TOM1: variants seen among roughly 807,000 people sequenced by gnomAD.
TOM1 encodes the protein target of Myb protein 1.
TOM1 carries 38 observed loss-of-function variants against 61.3 expected under a neutral mutation model. That is an observed-to-expected ratio of 0.62 (90% CI 0.48 to 0.81). TOM1 has a LOEUF of 0.81. Among genes scored for constraint, TOM1 ranks in the 40% least tolerant of loss-of-function variants. The pLI, the probability that TOM1 is intolerant of heterozygous loss-of-function variation, is 0.00. For synonymous variants in TOM1, 270 were observed against 268.8 expected (o/e 1.00, Z -0.04); for missense variants, 591 against 659.6 (o/e 0.90, Z 1.14).
intron 2 of TOM1, among the ~76,000 whole-genome samples, chr22:35,320,837 C>G (rs1927705879): frequency 6.6e-6 from 1 of 151,966 alleles, no homozygotes; most frequent in Non-Finnish European, 1.5e-5. Context: ...GTTGAATGGG[C>G]CAGACATGGT....
intron 1 of TOM1, among the ~76,000 whole-genome samples, chr22:35,301,921 A>C (rs1441742667): frequency 6.6e-6 from 1 of 152,190 alleles, no homozygotes; most frequent in East Asian, 1.9e-4. Context: ...CTTTTATCAC[A>C]TGCCAAGTTT....
chr22:35,341,809 A>G (rs548090865), intron 12 of TOM1, among the ~76,000 whole-genome samples: 11 of 152,336 alleles, frequency 7.2e-5, no homozygotes, highest in Non-Finnish European at 1.5e-4. Context: ...TAAACCGGTT[A>G]TCACTGATTT....
rs1360970811 is a variant in TOM1, at chr22:35,300,031, T to C, written c.52+51T>C. The C allele has an allele frequency of 3.2e-6, 5 of 1,547,182 alleles. No homozygotes were observed. The South Asian group carries it at 3.6e-5, about 11-fold the overall frequency. On this transcript the variant is annotated intron_variant, in intron 1 of 14. Coordinates refer to ENST00000449058, the MANE Select transcript of TOM1 (RefSeq NM_005488.3). Reference sequence around the variant, plus strand: ...TCCGCCCCGGTGCTCCGCACCCAGCTTCGGTCCCCTGGGAAGCCTCCGGGT... The same window carrying C: ...TCCGCCCCGGTGCTCCGCACCCAGCCTCGGTCCCCTGGGAAGCCTCCGGGT...
intron 1 of TOM1, 70 bp downstream of exon 1, chr22:35,300,050 T>G: frequency 4.6e-6 from 7 of 1,523,012 alleles, no homozygotes; most frequent in Non-Finnish European, 6.2e-6. Context: ...CTGGGAAGCC[T>G]CCGGGTGCCT....
At chr22:35,334,262 A>T in intron 10 of TOM1, 66 bp from the exon 11 acceptor site, 1 of 1,557,596 alleles carries the variant, frequency 6.4e-7, no homozygotes, top group Non-Finnish European at 8.7e-7. Flanking sequence ...GGCAGCAGGT[A>T]GCTCAGCAGC....
intron 1 of TOM1, among the ~76,000 whole-genome samples, chr22:35,308,892 T>C (rs1926576856): frequency 6.6e-6 from 1 of 152,162 alleles, no homozygotes; most frequent in Admixed American, 6.5e-5. Context: ...TTGTGGTTTA[T>C]GGTTAAAAAA....
intron 1 of TOM1, among the ~76,000 whole-genome samples, chr22:35,313,935 C>T (rs562349672): frequency 3.3e-5 from 5 of 152,212 alleles, no homozygotes; most frequent in Non-Finnish European, 7.3e-5. Context: ...GCTCCGAGGT[C>T]GGGGAATCAG....
intron 6 of TOM1, 120 bp downstream of exon 6, chr22:35,324,034 C>A: frequency 1.6e-6 from 2 of 1,260,428 alleles, no homozygotes; most frequent in Admixed American, 2.8e-5. Context: ...CAGCAGCCCA[C>A]AGGGTATGTG....
chr22:35,303,107 A>G (rs1925991805), intron 1 of TOM1, among the ~76,000 whole-genome samples: 1 of 146,544 alleles, frequency 6.8e-6, no homozygotes, highest in South Asian at 2.2e-4. Context: ...TGGAATCACA[A>G]AGTTCTCATC....
chr22:35,323,183 TGC>T lies in TOM1; in HGVS notation c.366+7_366+8del. 6.2e-7 allele frequency: 1 copy of T among 1,613,238 alleles called. No individual in the cohort carries two copies. The highest frequency in any genetic ancestry group is 1.3e-5 in the African/African-American group (1 of 74,960). On this transcript the variant is annotated splice_region_variant and intron_variant, in intron 4 of 14. Coordinates refer to ENST00000449058, the MANE Select transcript of TOM1 (RefSeq NM_005488.3). This position sits in a 1 kb window ranked among gnomAD's most constrained non-coding sequence, Gnocchi z 4.2. Reference sequence around the variant, plus strand: ...AAGTGCTCAACCTCATCCAGGTGAGTGCCAGGACAGGGCAGGGCACGGCCAGG... The same window carrying T: ...AAGTGCTCAACCTCATCCAGGTGAGTCAGGACAGGGCAGGGCACGGCCAGG...
intron 12 of TOM1, among the ~76,000 whole-genome samples, chr22:35,339,671 G>A (rs1042728131): frequency 2.8e-4 from 42 of 152,044 alleles, no homozygotes; most frequent in African/African-American, 8.7e-4. Context: ...TTGGGAGGCC[G>A]AGGCGGGCGG....
chr22:35,324,221 T>A (rs1928110346), intron 6 of TOM1, among the ~76,000 whole-genome samples: 3 of 152,280 alleles, frequency 2.0e-5, no homozygotes, highest in Admixed American at 2.0e-4. Flanking sequence ...AACAGCACCA[T>A]GGAGAGGTGT....
intron 6 of TOM1, among the ~76,000 whole-genome samples, chr22:35,325,796 A>G (rs1265714925): frequency 2.0e-5 from 3 of 152,354 alleles, no homozygotes; most frequent in African/African-American, 7.2e-5. Flanking sequence ...CTTGCTAAAC[A>G]AAACTAATCT....
At chr22:35,330,795 C>T (rs935526881) in intron 8 of TOM1, among the ~76,000 whole-genome samples, 1 of 152,242 alleles carries the variant, frequency 6.6e-6, no homozygotes, top group Non-Finnish European at 1.5e-5. Flanking sequence ...TGTCCTCGCC[C>T]ACTCCACCAC....
In TOM1 at chr22:35,323,650, G is replaced by C; in HGVS notation, c.501+20G>C. On this transcript the variant is annotated intron_variant, in intron 5 of 14. Transcript: ENST00000449058. This position sits in a 1 kb window ranked among gnomAD's most constrained non-coding sequence, Gnocchi z 4.2. Reference sequence around the variant, plus strand: ...CAGAGGGTGAGAGAACTGCCGTACCGGGAACCAAGGGAAGGGAGGCAGGAC... The same window carrying C: ...CAGAGGGTGAGAGAACTGCCGTACCCGGAACCAAGGGAAGGGAGGCAGGAC... 6.2e-7 allele frequency: 1 copy of C among 1,614,046 alleles called. No individual in the cohort carries two copies.
Position 35,330,407 on chromosome 22 carries a change from G to T in TOM1, c.826G>T (p.Ala276Ser). 1 of 1,613,238 alleles carries T rather than the reference G, an allele frequency of 6.2e-7. No individual in the cohort carries two copies. Among genetic ancestry groups the T allele is most frequent in the Non-Finnish European group, 8.5e-7 (1 of 1,179,790 alleles). The change falls in exon 8 of 15, where the codon GCC becomes TCC. Residue 276 changes from alanine (A) to serine (S), a missense_variant. Coordinates refer to ENST00000449058, the MANE Select transcript of TOM1 (RefSeq NM_005488.3). ...GGTCCTGGAGCTCATCCCTCAGATC[G>T]CCAATGAGCAGCTGACAGAGGAGCT... is the stretch of plus-strand genomic sequence containing the variant. ...QRVLELIPQIANEQLTEELLI... is the reference protein window; with the variant it reads ...QRVLELIPQISNEQLTEELLI...
At chr22:35,336,389 C>A (rs1279481309) in intron 11 of TOM1, among the ~76,000 whole-genome samples, 1 of 152,180 alleles carries the variant, frequency 6.6e-6, no homozygotes, top group African/African-American at 2.4e-5. Flanking sequence ...GCCTGGCTCC[C>A]CACTTCACAC....
chr22:35,322,011 T>A lies in TOM1; in HGVS notation c.190T>A (p.Phe64Ile). The A allele has an allele frequency of 6.2e-7, 1 of 1,614,176 alleles. No individual in the cohort carries two copies. Among genetic ancestry groups the A allele is most frequent in the Non-Finnish European group, 8.5e-7 (1 of 1,180,020 alleles). Residue 64 changes from phenylalanine to isoleucine, a missense_variant, in exon 3 of 15, where the codon TTC (phenylalanine) becomes ATC (isoleucine). By Grantham distance (21) the Phe-to-Ile change is conservative (BLOSUM62 0). Coordinates refer to ENST00000449058, the MANE Select transcript of TOM1 (RefSeq NM_005488.3). Reference sequence around the variant, plus strand: ...GAAGAGAATCGTGGGGAATAAGAACTTCCACGAGGTGATGCTGGCTCTCAC... The same window carrying A: ...GAAGAGAATCGTGGGGAATAAGAACATCCACGAGGTGATGCTGGCTCTCAC... Reference protein sequence around the residue: ...VKKRIVGNKNFHEVMLALTVL... With the variant: ...VKKRIVGNKNIHEVMLALTVL...
chr22:35,330,692 G>C (rs1033261799), intron 8 of TOM1, among the ~76,000 whole-genome samples: 1 of 152,158 alleles, frequency 6.6e-6, no homozygotes, highest in Non-Finnish European at 1.5e-5. Flanking sequence ...TCCTTTCCAG[G>C]GTTAGCGCTG....
Sources: gnomAD v4.1 joint callset for allele counts (sites outside exome capture counted in the v4.1 genomes callset) on GRCh38, gnomAD v4.1.1 for gene constraint, Gnocchi (gnomAD v3.1) non-coding constraint, MANE v1.5 for transcripts, NCBI Gene and HGNC (gene_info 2026-07-23, HGNC 2026-07-21) for gene names.